Variants in SHBG observed in about 807,000 individuals in gnomAD.
SHBG encodes the protein sex hormone binding globulin.
A neutral mutation model predicts 41.9 loss-of-function variants in SHBG; 37 were observed. The ratio of observed to expected loss-of-function variants is 0.88; its 90% CI spans 0.68 to 1.16. The LOEUF (loss-of-function observed/expected upper bound fraction) is 1.16. Ranked by LOEUF, SHBG falls within the 50% of genes most tolerant of loss-of-function variation. The probability of loss-of-function intolerance (pLI) is 0.00; values close to 1 mark genes in which losing one functional copy is unlikely to be tolerated. For synonymous variants in SHBG, 217 were observed against 205.8 expected (o/e 1.05, Z -0.47); for missense variants, 466 against 499.9 (o/e 0.93, Z 0.65).
chr17:7,614,889 G>A (rs1369941345), intron 1 of SHBG: 4 of 154,502 alleles, frequency 2.6e-5, no homozygotes, highest in Non-Finnish European at 5.8e-5. Context: ...TGCCACCGCC[G>A]CCTACTGCGC....
At chr17:7,615,390 C>A (rs1164944336) in intron 1 of SHBG, among the ~76,000 whole-genome samples, 1 of 152,206 alleles carries the variant, frequency 6.6e-6, no homozygotes, top group Non-Finnish European at 1.5e-5. Flanking sequence ...GTGCTTGGTG[C>A]GCACGCGCTG....
At chr17:7,628,114 GC>G, upstream of SHBG, 1 of 462,518 alleles carries the variant, frequency 2.2e-6, no homozygotes, top group Admixed American at 2.3e-5. Context: ...GTGATAACCT[GC>G]TTTAGCCTCA....
chr17:7,632,623 T>C, intron 6 of SHBG, 129 bp from the exon 7 acceptor site: 2 of 737,566 alleles, frequency 2.7e-6, no homozygotes, highest in Non-Finnish European at 4.7e-6. Flanking sequence ...ATTTAAGTGG[T>C]GAGAATGGCC....
At position 7,633,313 on chromosome 17, in the gene SHBG, C is replaced by G. The variant is rs1415298244; in HGVS notation, c.1170C>G (p.Cys390Trp). The change falls in exon 8 of 8, where the codon TGC becomes TGG. Residue 390 changes from cysteine to tryptophan, a missense_variant. Coordinates refer to ENST00000380450, the MANE Select transcript of SHBG (RefSeq NM_001040.5). ...NRSHEIWTHS[C>W]PQSPGNGTDA... ...GCCATGAGATCTGGACTCACAGCTG[C>G]CCCCAGAGCCCAGGCAATGGCACTG... 6.2e-7 allele frequency: 1 copy of G among 1,613,948 alleles called. No homozygotes were observed. The highest frequency in any genetic ancestry group is 8.5e-7 in the Non-Finnish European group (1 of 1,179,942).
At chr17:7,616,883 C>A (rs2072003836) in intron 1 of SHBG, among the ~76,000 whole-genome samples, 1 of 152,034 alleles carries the variant, frequency 6.6e-6, no homozygotes, top group African/African-American at 2.4e-5. Context: ...TTGCAGTGAG[C>A]CCAGATTGTG....
intron 4 of SHBG, 49 bp from the exon 5 acceptor site, chr17:7,631,540 C>T (rs1404892507): frequency 2.5e-5 from 41 of 1,609,016 alleles, no homozygotes; most frequent in East Asian, 4.5e-5. Context: ...ACTGCGGCTC[C>T]GATGCCCTGA....
At position 7,630,615 on chromosome 17, in the gene SHBG, C is replaced by T. The variant is rs974180419; in HGVS notation, c.204-65C>T. Reference sequence around the variant, plus strand: ...TCCTTATCTGTGAACACCATCTCCCCCAAACCCACACTGGTTCTCAAAGGA... The same window carrying T: ...TCCTTATCTGTGAACACCATCTCCCTCAAACCCACACTGGTTCTCAAAGGA... On this transcript the variant is annotated intron_variant, in intron 2 of 7. Coordinates refer to ENST00000380450, the MANE Select transcript of SHBG (RefSeq NM_001040.5). This position sits in a 1 kb window ranked among gnomAD's most constrained non-coding sequence, Gnocchi z 4.6. 5.1e-6 allele frequency: 8 copies of T among 1,555,762 alleles called. No homozygotes were observed. Among genetic ancestry groups the T allele is most frequent in the Non-Finnish European group, 7.1e-6 (8 of 1,129,274 alleles).
At chr17:7,627,080 G>A, upstream of SHBG, 10 of 1,612,792 alleles carry the variant, frequency 6.2e-6, no homozygotes, top group Non-Finnish European at 8.5e-6. The surrounding 1 kb of genome is among the most constrained non-coding windows in gnomAD (Gnocchi z 4.8). Flanking sequence ...GCTTCTGGAA[G>A]CCTGTGGGGA....
chr17:7,631,172 T>G, intron 3 of SHBG, 28 bp from the exon 4 acceptor site: 1 of 1,521,708 alleles, frequency 6.6e-7, no homozygotes, highest in South Asian at 1.3e-5. Flanking sequence ...CCCAGGGGCC[T>G]CTGATTTTGC....
At chr17:7,626,416 A>C, upstream of SHBG, 1 of 1,611,066 alleles carries the variant, frequency 6.2e-7, no homozygotes, top group Non-Finnish European at 8.5e-7. Flanking sequence ...GGAAGGAGAA[A>C]CTCAAGACAG....
upstream of SHBG, among the ~76,000 whole-genome samples, chr17:7,629,802 GGGA>G (rs1463159586): frequency 1.3e-5 from 2 of 152,182 alleles, no homozygotes; most frequent in Admixed American, 1.3e-4. Context: ...TGGGACGCAG[GGGA>G]GGACTGTTTC....
chr17:7,626,293 C>G, upstream of SHBG: 2 of 758,038 alleles, frequency 2.6e-6, no homozygotes, highest in Non-Finnish European at 4.4e-6. Context: ...GTCTCTCCCT[C>G]AATTCTGCTC....
At chr17:7,622,377 A>G (rs550494864) in intron 1 of SHBG, among the ~76,000 whole-genome samples, 1 of 151,618 alleles carries the variant, frequency 6.6e-6, no homozygotes, top group South Asian at 2.1e-4. Flanking sequence ...GGTTCAAGCA[A>G]TTCTGCTGCC....
In SHBG at chr17:7,621,434, T is replaced by TAA. The variant is rs199799420; in HGVS notation, c.-62+7331_-62+7332dup. ...CAACATGGTGAAAACCCATCTCTAC[T>TAA]AAAAAAAAATACAAAAATTAGCTGG... is the stretch of plus-strand genomic sequence containing the variant. On this transcript the variant is annotated intron_variant, in intron 1 of 5. Transcript: ENST00000570547. Among the ~76,000 whole-genome samples the TAA allele has an allele frequency of 1.5e-5, 2 of 135,726 alleles. 1 individual carries two copies. Among genetic ancestry groups the TAA allele is most frequent in the African/African-American group, 5.5e-5 (2 of 36,168 alleles). The allele number at this position is 135,726 out of a possible 152,430, so 89.0% of individuals were successfully genotyped here.
intron 1 of SHBG, among the ~76,000 whole-genome samples, chr17:7,616,623 T>TCAA (rs1055966219): frequency 4.9e-5 from 7 of 143,916 alleles, no homozygotes; most frequent in African/African-American, 1.6e-4. Context: ...AGACTCCATC[T>TCAA]CAACAACAAC....
rs984408944 is a variant in SHBG, at chr17:7,615,480, G to A, written c.-62+1369G>A. On this transcript the variant is annotated intron_variant, in intron 1 of 5. Coordinates refer to the SHBG transcript ENST00000570547. The stretch of plus-strand genomic sequence containing the variant: ...TACTGTAGTAGATTTAACAGTCATG[G>A]CTCTTACCTTGAAGAGATTGTGATA... Among the ~76,000 whole-genome samples the A allele has an allele frequency of 3.5e-4, 53 of 152,362 alleles. 1 individual carries two copies. The highest frequency in any genetic ancestry group is 7.7e-4 in the East Asian group (4 of 5,192).
Position 7,631,360 on chromosome 17 carries a change from C to G in SHBG, c.554C>G (p.Pro185Arg). ...TTCCCCGCTTCCAACCTTCGGTTGC[C>G]GGTAACTACACCCCAGGGGTGGAAC... Reference protein sequence around the residue: ...LLFPASNLRLPLVPALDGCLR... With the variant: ...LLFPASNLRLRLVPALDGCLR... Residue 185 changes from proline (P) to arginine (R), a missense_variant and splice_region_variant, in exon 4 of 8, where the codon CCG becomes CGG. Coordinates refer to ENST00000380450, the MANE Select transcript of SHBG (RefSeq NM_001040.5). 1 of 1,612,568 alleles carries G rather than the reference C, an allele frequency of 6.2e-7. No homozygotes were observed. The highest frequency in any genetic ancestry group is 1.1e-5 in the South Asian group (1 of 90,964).
At chr17:7,627,448 G>A (rs755469378), upstream of SHBG, 53 of 1,613,120 alleles carry the variant, frequency 3.3e-5, 1 homozygote, top group South Asian at 5.7e-4. The surrounding 1 kb of genome is among the most constrained non-coding windows in gnomAD (Gnocchi z 4.8). Flanking sequence ...GATTAGAGCA[G>A]AAGGGCCCCG....
Position 7,631,692 on chromosome 17 carries a change from A to C in SHBG, c.659A>C (p.Glu220Ala). 1 of 1,614,108 alleles carries C rather than the reference A, an allele frequency of 6.2e-7. No individual in the cohort carries two copies. The highest frequency in any genetic ancestry group is 2.2e-5 in the East Asian group (1 of 44,876). The change falls in exon 5 of 8, where the codon GAA (glutamate) becomes GCA (alanine). Residue 220 changes from glutamate (E) to alanine (A), a missense_variant. Coordinates refer to ENST00000380450, the MANE Select transcript of SHBG (RefSeq NM_001040.5). ...APTSLRSCDV[E>A]SNPGIFLPPG... is the part of the protein sequence containing the mutation. The stretch of plus-strand genomic sequence containing the variant: ...ACTAGCCTCAGAAGCTGTGATGTAG[A>C]ATCAAATCCCGGGATATTTCTCCCT...
Sources: gnomAD v4.1 joint callset for allele counts (sites outside exome capture counted in the v4.1 genomes callset) on GRCh38, gnomAD v4.1.1 for gene constraint, Gnocchi (gnomAD v3.1) non-coding constraint, MANE v1.5 for transcripts, NCBI Gene and HGNC (gene_info 2026-07-23, HGNC 2026-07-21) for gene names.